HKDC1: variants seen among roughly 807,000 people sequenced by gnomAD.
HKDC1 encodes the protein hexokinase domain containing 1.
HKDC1 carries 66 observed loss-of-function variants against 96.6 expected under a neutral mutation model. That is an observed-to-expected ratio of 0.68 (90% CI 0.56 to 0.84). The LOEUF (loss-of-function observed/expected upper bound fraction) is 0.84, where lower values mean the gene tolerates loss of function less well. Among genes scored for constraint, HKDC1 ranks in the 40% least tolerant of loss-of-function variants. The pLI, the probability that HKDC1 is intolerant of heterozygous loss-of-function variation, is 0.00. For missense variants in HKDC1, 1,211 were observed against 1,208.1 expected, an observed-to-expected ratio of 1.00 and a Z score of -0.04; for synonymous variants, 466 against 473.1, an observed-to-expected ratio of 0.98 and a Z score of 0.20.
chr10:69,233,082 G>T lies in HKDC1; in HGVS notation c.444G>T (p.Leu148Phe), dbSNP rs1310484467. 6.2e-7 allele frequency: 1 copy of T among 1,614,152 alleles called. No homozygotes were observed. Among genetic ancestry groups the T allele is most frequent in the South Asian group, 1.1e-5 (1 of 91,090 alleles). ...CCAAAGATTTAAAGCATAAGAAATTGCCCCTTGGCCTAACTTTTTCTTTCC... is the reference window on the plus strand; with the variant it reads ...CCAAAGATTTAAAGCATAAGAAATTTCCCCTTGGCCTAACTTTTTCTTTCC... ...MKTKDLKHKK[L>F]PLGLTFSFPC... is the part of the protein sequence containing the mutation. The change falls in exon 4 of 18, where the codon TTG becomes TTT. Residue 148 changes from leucine (L) to phenylalanine (F), a missense_variant. Transcript: ENST00000354624.
At chr10:69,258,714 G>T (rs1177984444) in intron 14 of HKDC1, 62 bp from the exon 15 acceptor site, 4 of 1,531,600 alleles carry the variant, frequency 2.6e-6, no homozygotes, top group Non-Finnish European at 3.6e-6. Context: ...GCTGCACTCT[G>T]CCACCTTTCT....
At chr10:69,237,112 G>A (rs879649068) in intron 4 of HKDC1, among the ~76,000 whole-genome samples, 1 of 152,116 alleles carries the variant, frequency 6.6e-6, no homozygotes, top group Admixed American at 6.6e-5. Flanking sequence ...GTGATTAGGG[G>A]GCTTCTTTGA....
intron 1 of HKDC1, among the ~76,000 whole-genome samples, chr10:69,226,192 G>A (rs922489170): frequency 2.0e-5 from 3 of 152,198 alleles, no homozygotes; most frequent in African/African-American, 7.2e-5. Flanking sequence ...CAAGAGGACT[G>A]ATTTTAGCCA....
intron 6 of HKDC1, among the ~76,000 whole-genome samples, chr10:69,242,725 T>A (rs1414992103): frequency 6.6e-6 from 1 of 152,220 alleles, no homozygotes; most frequent in Non-Finnish European, 1.5e-5. Flanking sequence ...AAGATAAGGA[T>A]GCAGCTTATG....
intron 5 of HKDC1, 59 bp from the exon 6 acceptor site, chr10:69,240,593 G>A: frequency 7.2e-7 from 1 of 1,394,518 alleles, no homozygotes. Context: ...CTGTGGGGAA[G>A]GAGGGAGGGA....
intron 14 of HKDC1, among the ~76,000 whole-genome samples, chr10:69,257,822 AG>A (rs1325322077): frequency 2.0e-5 from 3 of 152,076 alleles, no homozygotes; most frequent in African/African-American, 4.8e-5. Flanking sequence ...CAGGAAGGAG[AG>A]GAGCTGGAAA....
chr10:69,225,819 C>T (rs1345318249), intron 1 of HKDC1: 1 of 152,358 alleles, frequency 6.6e-6, no homozygotes, highest in Non-Finnish European at 1.5e-5. Context: ...CCTCACCTCT[C>T]ACCTGGGGAC....
chr10:69,240,800 T>G lies in HKDC1; in HGVS notation c.691+49T>G, dbSNP rs571622442. The G allele has an allele frequency of 2.4e-5, 34 of 1,418,478 alleles. 1 individual carries two copies. The South Asian group carries it at 3.8e-4, about 16-fold the overall frequency. The allele number at this position is 1,418,478 out of a possible 1,614,324, so 87.9% of individuals were successfully genotyped here. A position where few individuals can be genotyped will look rare whatever the true frequency, so the allele number is the denominator to read the frequency against. The stretch of plus-strand genomic sequence containing the variant: ...TGAGGGTAGGGGAGAAGGGACTGTT[T>G]GGGAGTTTCATTTCAGCGAGCTCTG... On this transcript the variant is annotated intron_variant, in intron 6 of 17. Transcript: ENST00000354624.
Position 69,266,943 on chromosome 10 carries a change from T to A in HKDC1, c.*186T>A. On this transcript the variant is annotated 3_prime_UTR_variant, in exon 18 of 18. Transcript: ENST00000354624. ...GGATTTGCAGTGACATTACATGACA[T>A]CTCTATTTGGTATATTTGGGCCAAA... 1.9e-6 allele frequency: 1 copy of A among 529,842 alleles called. No individual in the cohort carries two copies. The highest frequency in any genetic ancestry group is 3.2e-6 in the Non-Finnish European group (1 of 308,178). The allele number at this position is 529,842 out of a possible 1,614,324, so 32.8% of individuals were successfully genotyped here.
chr10:69,238,930 A>T, intron 4 of HKDC1, 112 bp from the exon 5 acceptor site: 1 of 629,256 alleles, frequency 1.6e-6, no homozygotes, highest in Non-Finnish European at 2.8e-6. Flanking sequence ...GGGGTGATTC[A>T]GCTTAGAGAA....
At chr10:69,233,259 TG>T (rs1843302277) in intron 4 of HKDC1, 126 bp downstream of exon 4, 1 of 1,345,276 alleles carries the variant, frequency 7.4e-7, no homozygotes, top group South Asian at 1.4e-5. Context: ...CTTTTCTTTT[TG>T]TTCATGATGA....
At chr10:69,231,453 C>T (rs34634483) in intron 2 of HKDC1, among the ~76,000 whole-genome samples, 8,104 of 152,192 alleles carry the variant, frequency 0.053, 322 homozygotes, top group Non-Finnish European at 0.087. Context: ...GATGCTTTCT[C>T]ATTCCTTTGC....
chr10:69,242,426 G>GAAAAAAA (rs1294586012), intron 6 of HKDC1, among the ~76,000 whole-genome samples: 3 of 31,244 alleles, frequency 9.6e-5, no homozygotes, highest in Non-Finnish European at 1.6e-4. Context: ...GGAAGATACT[G>GAAAAAAA]AAGAAAAAAA....
chr10:69,226,706 G>C (rs1843162169), intron 1 of HKDC1, among the ~76,000 whole-genome samples: 1 of 152,134 alleles, frequency 6.6e-6, no homozygotes, highest in Non-Finnish European at 1.5e-5. Context: ...ATTGCTTTTG[G>C]AAATGAAATT....
intron 17 of HKDC1, 73 bp downstream of exon 17, chr10:69,265,891 T>C: frequency 9.3e-7 from 1 of 1,072,454 alleles, no homozygotes; most frequent in South Asian, 1.4e-5. Context: ...TGGCATAGCC[T>C]CCTGAACTGC....
At chr10:69,255,875 C>T (rs1401645888) in intron 12 of HKDC1, among the ~76,000 whole-genome samples, 1 of 150,740 alleles carries the variant, frequency 6.6e-6, no homozygotes, top group African/African-American at 2.4e-5. Context: ...TGAGATCACA[C>T]CATTACACTC....
chr10:69,253,428 T>G (rs939054646), intron 12 of HKDC1, among the ~76,000 whole-genome samples: 19 of 152,224 alleles, frequency 1.2e-4, no homozygotes, highest in Non-Finnish European at 2.5e-4. Flanking sequence ...AGAGGCCCAG[T>G]GTCCTTCCTA....
At chr10:69,257,766 T>C (rs1843742931) in intron 14 of HKDC1, among the ~76,000 whole-genome samples, 1 of 152,134 alleles carries the variant, frequency 6.6e-6, no homozygotes, top group Non-Finnish European at 1.5e-5. Flanking sequence ...CTGGCTCCAA[T>C]GTGTGCCTCT....
Position 69,266,919 on chromosome 10 carries a change from G to C in HKDC1, c.*162G>C. ...CGGGTACTCTTAGTATCTTGTACTG[G>C]ATTTGCAGTGACATTACATGACATC... On this transcript the variant is annotated 3_prime_UTR_variant, in exon 18 of 18. Transcript: ENST00000354624. 1.6e-6 allele frequency: 1 copy of C among 611,868 alleles called. No homozygotes were observed. The highest frequency in any genetic ancestry group is 2.8e-6 in the Non-Finnish European group (1 of 363,552). The allele number at this position is 611,868 out of a possible 1,614,324, so 37.9% of individuals were successfully genotyped here. A position where few individuals can be genotyped will look rare whatever the true frequency, so the allele number is the denominator to read the frequency against.
Sources: allele counts gnomAD v4.1 joint callset (sites outside exome capture counted in the v4.1 genomes callset), GRCh38; gene constraint gnomAD v4.1.1; transcripts MANE v1.5; gene names NCBI Gene and HGNC (gene_info 2026-07-23, HGNC 2026-07-21).